NUDCD3: variants seen among roughly 807,000 people sequenced by gnomAD.
The protein encoded by NUDCD3 is nudC domain-containing protein 3.
In NUDCD3, 13 loss-of-function variants were observed where a neutral mutation model predicts 39.7. The observed-to-expected ratio is 0.33, with a 90% confidence interval of 0.21 to 0.52. The LOEUF (loss-of-function observed/expected upper bound fraction) is 0.52, where lower values mean the gene tolerates loss of function less well. Among genes scored for constraint, NUDCD3 ranks in the 20% least tolerant of loss-of-function variants. The pLI, the probability that NUDCD3 is intolerant of heterozygous loss-of-function variation, is 0.96. For synonymous variants in NUDCD3, 175 were observed against 172.4 expected (o/e 1.02, Z -0.12); for missense variants, 453 against 458.1 (o/e 0.99, Z 0.10).
rs1222486281 is a variant in NUDCD3 at position 44,383,062 on chromosome 7, C to T, written c.*2949G>A. On this transcript the variant is annotated 3_prime_UTR_variant, in exon 6 of 6. Coordinates refer to ENST00000355451, the MANE Select transcript of NUDCD3 (RefSeq NM_015332.4). ...TCCTGTCCCCAGGGGTGAGCAGGGT[C>T]AGAGGAGGCTGGAGATGGGGTGGGC... 1 of 152,392 alleles carries T rather than the reference C, an allele frequency of 6.6e-6. No homozygotes were observed. Among genetic ancestry groups the T allele is most frequent in the African/African-American group, 2.4e-5 (1 of 41,462 alleles). 9.4% of individuals were successfully genotyped at this position (152,392 alleles called of 1,614,324 possible).
intron 3 of NUDCD3, 96 bp downstream of exon 3, chr7:44,427,475 T>C (rs1799258364): frequency 7.2e-7 from 1 of 1,393,348 alleles, no homozygotes. Flanking sequence ...CTAAAGCCGA[T>C]CTCAACACTC....
At chr7:44,490,187 G>T in intron 1 of NUDCD3, 1 of 530,526 alleles carries the variant, frequency 1.9e-6, no homozygotes, top group Non-Finnish European at 3.3e-6. Flanking sequence ...TTAACAGTCG[G>T]CTTACTACTT....
chr7:44,393,438 A>G (rs1273086564), intron 4 of NUDCD3, among the ~76,000 whole-genome samples: 1 of 152,156 alleles, frequency 6.6e-6, no homozygotes, highest in Admixed American at 6.5e-5. Context: ...GACACAGAGG[A>G]GGGCCCTGGC....
intron 2 of NUDCD3, among the ~76,000 whole-genome samples, chr7:44,465,070 C>T (rs1364494347): frequency 6.6e-6 from 1 of 152,232 alleles, no homozygotes; most frequent in Non-Finnish European, 1.5e-5. Flanking sequence ...CCAGTTCAAA[C>T]ACCTATGCTT....
At chr7:44,439,620 G>T (rs1799537808) in intron 2 of NUDCD3, among the ~76,000 whole-genome samples, 1 of 151,378 alleles carries the variant, frequency 6.6e-6, no homozygotes, top group African/African-American at 2.4e-5. Context: ...CAGTTGGGGA[G>T]GGGGTAGGGG....
intron 3 of NUDCD3, among the ~76,000 whole-genome samples, chr7:44,405,233 C>A (rs969154588): frequency 6.6e-6 from 1 of 152,214 alleles, no homozygotes; most frequent in African/African-American, 2.4e-5. Context: ...AACCAAGCCT[C>A]TAAAAGCCTC....
At chr7:44,394,810 C>T (rs1798593919) in intron 4 of NUDCD3, among the ~76,000 whole-genome samples, 1 of 152,176 alleles carries the variant, frequency 6.6e-6, no homozygotes, top group African/African-American at 2.4e-5. Flanking sequence ...ATCCAGGGGA[C>T]GGTGCTGGTG....
intron 2 of NUDCD3, among the ~76,000 whole-genome samples, chr7:44,432,109 C>T (rs1799375570): frequency 6.6e-6 from 1 of 152,090 alleles, no homozygotes; most frequent in Admixed American, 6.5e-5. Context: ...GTAGGAAGAC[C>T]CATCTCTACA....
intron 2 of NUDCD3, among the ~76,000 whole-genome samples, chr7:44,437,025 T>G (rs535913097): frequency 6.6e-6 from 1 of 152,080 alleles, no homozygotes; most frequent in South Asian, 2.1e-4. Context: ...TCATAATTTT[T>G]TTTTTTATTC....
At chr7:44,400,713 C>A (rs748978108) in intron 4 of NUDCD3, among the ~76,000 whole-genome samples, 2 of 152,224 alleles carry the variant, frequency 1.3e-5, no homozygotes, top group Non-Finnish European at 2.9e-5. Flanking sequence ...CCATTTCCAG[C>A]TTCTGGTGGC....
At chr7:44,394,640 A>G (rs1798588275) in intron 4 of NUDCD3, among the ~76,000 whole-genome samples, 1 of 152,228 alleles carries the variant, frequency 6.6e-6, no homozygotes, top group Non-Finnish European at 1.5e-5. Flanking sequence ...TACCATTACC[A>G]TTTACCATAC....
At chr7:44,388,207 A>G (rs866413268) in intron 5 of NUDCD3, among the ~76,000 whole-genome samples, 1 of 152,228 alleles carries the variant, frequency 6.6e-6, no homozygotes, top group Non-Finnish European at 1.5e-5. Flanking sequence ...CACACCATAA[A>G]TGGGCATCAA....
intron 2 of NUDCD3, among the ~76,000 whole-genome samples, chr7:44,442,827 C>T (rs1485913520): frequency 6.6e-6 from 1 of 151,780 alleles, no homozygotes; most frequent in East Asian, 1.9e-4. Flanking sequence ...TCCCGAGTAG[C>T]TGGGACTACA....
At position 44,383,194 on chromosome 7, in the gene NUDCD3, G is replaced by C. The variant is rs78965669; in HGVS notation, c.*2817C>G. On this transcript the variant is annotated 3_prime_UTR_variant, in exon 6 of 6. Transcript: ENST00000355451. ...TTATGTCCTGGAGGAAGCCCATTGC[G>C]AGGGCTCAGCAAAGTTAACAGCAGG... is the stretch of plus-strand genomic sequence containing the variant. The C allele has an allele frequency of 7.2e-5, 11 of 152,238 alleles. No homozygotes were observed. Among genetic ancestry groups the C allele is most frequent in the African/African-American group, 2.4e-4 (10 of 41,444 alleles). The allele number at this position is 152,238 out of a possible 1,614,324, so 9.4% of individuals were successfully genotyped here.
In NUDCD3 at chr7:44,466,571, G is replaced by T. The variant is rs546325239; in HGVS notation, c.509+18397C>A. On this transcript the variant is annotated intron_variant, in intron 2 of 5. Transcript: ENST00000355451. ...ACCAGGCTCAGCCATGTGGTTCTGG[G>T]CTCAGCCATGCTGCCTTCAAAAATT... is the stretch of plus-strand genomic sequence containing the variant. 1.1e-4 allele frequency among the ~76,000 whole-genome samples: 16 copies of T among 152,306 alleles called. No individual in the cohort carries two copies. The South Asian group carries it at 3.3e-3, about 32-fold the overall frequency.
chr7:44,468,349 CAAAA>C (rs77181470), intron 2 of NUDCD3: 3,790 of 378,446 alleles, frequency 0.01, 20 homozygotes, highest in African/African-American at 0.038. Context: ...GTAAAAACTG[CAAAA>C]AAAAAAAAAA....
At chr7:44,407,893 G>A (rs1798858824) in intron 3 of NUDCD3, among the ~76,000 whole-genome samples, 1 of 152,026 alleles carries the variant, frequency 6.6e-6, no homozygotes, top group Non-Finnish European at 1.5e-5. Flanking sequence ...AATCAATTTG[G>A]CATTCCAGAA....
chr7:44,431,568 G>A (rs1272471497), intron 2 of NUDCD3, among the ~76,000 whole-genome samples: 1 of 151,780 alleles, frequency 6.6e-6, no homozygotes, highest in Non-Finnish European at 1.5e-5. Flanking sequence ...AGTAGGTGAG[G>A]TTTCTGACCG....
At chr7:44,470,981 T>G (rs1469505941) in intron 2 of NUDCD3, among the ~76,000 whole-genome samples, 2 of 152,244 alleles carry the variant, frequency 1.3e-5, no homozygotes, top group Non-Finnish European at 2.9e-5. Context: ...TTGATCATCT[T>G]CAATGTGACT....
Sources: allele counts gnomAD v4.1 joint callset (sites outside exome capture counted in the v4.1 genomes callset), GRCh38; gene constraint gnomAD v4.1.1; transcripts MANE v1.5; gene names NCBI Gene and HGNC (gene_info 2026-07-23, HGNC 2026-07-21).